The following R3HDM2 variants were observed in gnomAD, a reference collection of about 807,000 sequenced individuals.
The protein encoded by R3HDM2 is R3H domain containing 2, also known as R3H domain-containing protein 2.
Under a neutral mutation model 124.5 loss-of-function variants are expected in R3HDM2, and 38 were observed. The ratio of observed to expected loss-of-function variants is 0.31; its 90% confidence interval spans 0.24 to 0.40. R3HDM2 has a LOEUF of 0.40. Ranked by LOEUF, R3HDM2 falls within the 10% of genes least tolerant of loss-of-function variation. The probability of loss-of-function intolerance (pLI) is 1.00; values close to 1 mark genes in which losing one functional copy is unlikely to be tolerated. For missense variants in R3HDM2, 869 were observed against 1,236.9 expected, an observed-to-expected ratio of 0.70 and a Z score of 4.46; for synonymous variants, 391 against 448.0, an observed-to-expected ratio of 0.87 and a Z score of 1.61.
chr12:57,421,986 C>T (rs1408151078), intron 1 of R3HDM2, among the ~76,000 whole-genome samples: 2 of 151,156 alleles, frequency 1.3e-5, no homozygotes, highest in Admixed American at 1.3e-4. Flanking sequence ...ATCCCAGCTA[C>T]TCAGGATGAG....
rs770164996 is a variant in R3HDM2, at chr12:57,342,827, C to A, written c.-35-32364G>T. Among the ~76,000 whole-genome samples, 4 of 152,134 alleles carry A rather than the reference C, an allele frequency of 2.6e-5. No homozygotes were observed. The East Asian group carries it at 5.8e-4, about 22-fold the overall frequency. On this transcript the variant is annotated intron_variant, in intron 2 of 23. Transcript: ENST00000402412. ...TTAGAAATGTAAAATTAAGACCAAA[C>A]CTTGTTATAGAGAATTTTCTTGCCA...
intron 13 of R3HDM2, among the ~76,000 whole-genome samples, chr12:57,283,126 A>G (rs1171123403): frequency 6.6e-6 from 1 of 152,210 alleles, no homozygotes; most frequent in Non-Finnish European, 1.5e-5. Context: ...AATTAATTAC[A>G]AACTACTAAA....
chr12:57,349,166 G>T (rs1035893463), intron 2 of R3HDM2, among the ~76,000 whole-genome samples: 1 of 151,598 alleles, frequency 6.6e-6, no homozygotes, highest in African/African-American at 2.4e-5. Context: ...AGATCACGAG[G>T]TCAGGAGATT....
At chr12:57,264,309 A>T (rs1386795577) in intron 19 of R3HDM2, among the ~76,000 whole-genome samples, 1 of 145,704 alleles carries the variant, frequency 6.9e-6, no homozygotes, top group African/African-American at 2.6e-5. Context: ...TAATCCTAGC[A>T]CTTTGGGAGG....
chr12:57,319,291 C>T (rs1566128846), intron 2 of R3HDM2, among the ~76,000 whole-genome samples: 2 of 152,160 alleles, frequency 1.3e-5, no homozygotes. Flanking sequence ...CCGCCTCAGC[C>T]TCCCAAAGTG....
intron 2 of R3HDM2, among the ~76,000 whole-genome samples, chr12:57,392,417 T>C (rs925685890): frequency 6.6e-6 from 1 of 152,122 alleles, no homozygotes; most frequent in Non-Finnish European, 1.5e-5. Flanking sequence ...CAGTTCACAA[T>C]AGAGTTCACA....
intron 2 of R3HDM2, among the ~76,000 whole-genome samples, chr12:57,379,308 C>T (rs141291532): frequency 1.3e-5 from 2 of 152,090 alleles, no homozygotes; most frequent in Admixed American, 6.6e-5. Flanking sequence ...AGGCCAGATG[C>T]GGTAGCTCAT....
At chr12:57,261,246 C>T (rs917355002) in intron 19 of R3HDM2, among the ~76,000 whole-genome samples, 1 of 152,192 alleles carries the variant, frequency 6.6e-6, no homozygotes, top group Admixed American at 6.5e-5. Context: ...ACTTGAGAGT[C>T]TAATGTAAAA....
chr12:57,304,553 A>G (rs2052123695), intron 3 of R3HDM2: 1 of 974,482 alleles, frequency 1.0e-6, no homozygotes, highest in Non-Finnish European at 1.2e-6. Flanking sequence ...CACAATGCAA[A>G]ATGGAGAACT....
intron 20 of R3HDM2, 118 bp from the exon 21 acceptor site, chr12:57,258,255 C>A: frequency 2.2e-6 from 2 of 926,498 alleles, no homozygotes; most frequent in Non-Finnish European, 2.8e-6. Context: ...TGAACTCTGC[C>A]AAAGTCAGAC....
At chr12:57,401,278 C>T (rs1345939765) in intron 1 of R3HDM2, among the ~76,000 whole-genome samples, 2 of 151,986 alleles carry the variant, frequency 1.3e-5, no homozygotes, top group Non-Finnish European at 2.9e-5. Context: ...AATGACACTG[C>T]GACCACCGAG....
intron 1 of R3HDM2, among the ~76,000 whole-genome samples, chr12:57,419,109 T>C (rs1251146158): frequency 1.3e-5 from 2 of 151,898 alleles, no homozygotes; most frequent in African/African-American, 4.8e-5. Context: ...TCATTCAAAA[T>C]ACTGCCCCAT....
intron 2 of R3HDM2, among the ~76,000 whole-genome samples, chr12:57,329,741 G>A (rs964313816): frequency 6.8e-5 from 8 of 116,996 alleles, no homozygotes; most frequent in African/African-American, 1.5e-4. Context: ...AAAAGACTCC[G>A]TCTCAAAAAA....
chr12:57,297,242 AG>A lies in R3HDM2; in HGVS notation c.560+85del, dbSNP rs2050092849. 3 of 714,946 alleles carry A rather than the reference AG, an allele frequency of 4.2e-6. No individual in the cohort carries two copies. In the Admixed American group the frequency reaches 8.8e-5, roughly 21 times the overall value. 44.3% of individuals were successfully genotyped at this position (714,946 alleles called of 1,614,324 possible). On this transcript the variant is annotated intron_variant, in intron 8 of 23. Coordinates refer to ENST00000402412, the MANE Select transcript of R3HDM2 (RefSeq NM_001394031.1). ...GTATGTTTTCAAAAATCACACTTCA[AG>A]GGGAACATCTCCTAAAATTGTACCT...
At chr12:57,305,028 T>A (rs1050036733) in intron 3 of R3HDM2, among the ~76,000 whole-genome samples, 7 of 151,936 alleles carry the variant, frequency 4.6e-5, no homozygotes, top group African/African-American at 1.7e-4. Context: ...TACTAAAAAA[T>A]ACCAAAATTA....
chr12:57,293,026 G>C (rs2048972368), intron 10 of R3HDM2, among the ~76,000 whole-genome samples: 1 of 152,272 alleles, frequency 6.6e-6, no homozygotes, highest in Admixed American at 6.5e-5. Context: ...CTGCTTTAGA[G>C]GGAAAGCAAA....
At chr12:57,336,133 TAA>T (rs1277541006) in intron 2 of R3HDM2, among the ~76,000 whole-genome samples, 1 of 151,716 alleles carries the variant, frequency 6.6e-6, no homozygotes, top group African/African-American at 2.4e-5. Flanking sequence ...TGGCTATTAT[TAA>T]AAAGTCAAAA....
At chr12:57,314,402 C>T (rs1185742323) in intron 2 of R3HDM2, among the ~76,000 whole-genome samples, 1 of 152,156 alleles carries the variant, frequency 6.6e-6, no homozygotes, top group African/African-American at 2.4e-5. Flanking sequence ...TCACTTGAAC[C>T]TGGGAGGCAG....
chr12:57,341,656 G>A (rs550534186), intron 2 of R3HDM2, among the ~76,000 whole-genome samples: 2 of 152,308 alleles, frequency 1.3e-5, no homozygotes, highest in Admixed American at 1.3e-4. Flanking sequence ...CTCCTAGGAT[G>A]TTCATAATCA....
Sources: allele counts gnomAD v4.1 joint callset (sites outside exome capture counted in the v4.1 genomes callset), GRCh38; gene constraint gnomAD v4.1.1; transcripts MANE v1.5; gene names NCBI Gene and HGNC (gene_info 2026-07-23, HGNC 2026-07-21).